GDF5: variants seen among roughly 807,000 people sequenced by gnomAD.
GDF5 encodes the protein growth/differentiation factor 5.
A neutral mutation model predicts 34.6 loss-of-function variants in GDF5; 17 were observed. That is an observed-to-expected ratio of 0.49 (90% CI 0.34 to 0.74). The LOEUF is 0.74. Ranked by LOEUF, GDF5 falls within the 30% of genes least tolerant of loss-of-function variation. The pLI is 0.01. For missense variants in GDF5, 616 were observed against 661.2 expected (o/e 0.93, Z 0.75); for synonymous variants, 332 against 290.7 (o/e 1.14, Z -1.44).
chr20:35,438,348 T>C (rs2062484293), upstream of GDF5: 1 of 196,480 alleles, frequency 5.1e-6, no homozygotes, highest in South Asian at 6.2e-5. Flanking sequence ...TCCTTTCCAG[T>C]GAAAATACTT....
chr20:35,451,048 A>ATATAT (rs1403286330), intron 1 of GDF5, among the ~76,000 whole-genome samples: 10 of 4,626 alleles, frequency 2.2e-3, no homozygotes, highest in Non-Finnish European at 5.3e-3. Flanking sequence ...AACAGAAAAA[A>ATATAT]AAAAAAAAAA....
chr20:35,443,508 A>G (rs992626442), intron 1 of GDF5, among the ~76,000 whole-genome samples: 1 of 151,214 alleles, frequency 6.6e-6, no homozygotes, highest in African/African-American at 2.4e-5. Flanking sequence ...CCAGATTATT[A>G]TTATTATTAT....
At chr20:35,437,192 T>C in intron 1 of GDF5, 106 bp downstream of exon 1, 1 of 822,312 alleles carries the variant, frequency 1.2e-6, no homozygotes, top group East Asian at 2.4e-5. Context: ...CCGGGCCAGA[T>C]GCACACAGTG....
At chr20:35,451,561 T>G (rs1470504814) in intron 1 of GDF5, among the ~76,000 whole-genome samples, 2 of 151,230 alleles carry the variant, frequency 1.3e-5, no homozygotes, top group African/African-American at 2.4e-5. Context: ...GCAGAATGCG[T>G]TTTTTTTCTG....
At chr20:35,448,701 C>T (rs1383304358) in intron 1 of GDF5, among the ~76,000 whole-genome samples, 1 of 152,040 alleles carries the variant, frequency 6.6e-6, no homozygotes, top group African/African-American at 2.4e-5. Context: ...GCCTCCACCT[C>T]CCAAAGTGCT....
At chr20:35,447,825 CTT>C (rs1017660224) in intron 1 of GDF5, among the ~76,000 whole-genome samples, 1 of 152,042 alleles carries the variant, frequency 6.6e-6, no homozygotes, top group African/African-American at 2.4e-5. Context: ...TTTTTAAAAA[CTT>C]TATTAGGCAG....
upstream of GDF5, among the ~76,000 whole-genome samples, chr20:35,442,537 C>CTTTTT (rs57668486): frequency 1.7e-5 from 2 of 118,920 alleles, no homozygotes; most frequent in Admixed American, 9.8e-5. Context: ...TGATACCCGT[C>CTTTTT]TTTTTTTTTT....
Position 35,434,049 on chromosome 20 carries a change from T to A in GDF5, c.1366A>T (p.Met456Leu). 1 of 1,613,028 alleles carries A rather than the reference T, an allele frequency of 6.2e-7. No individual in the cohort carries two copies. The highest frequency in any genetic ancestry group is 1.1e-5 in the South Asian group (1 of 91,018). The change falls in exon 2 of 2, where the codon ATG becomes TTG. Residue 456 changes from methionine (M) to leucine (L), a missense_variant. Met to Leu is a conservative substitution (Grantham distance 15). Coordinates refer to ENST00000374369, the MANE Select transcript of GDF5 (RefSeq NM_000557.5). Reference protein sequence around the residue: ...HAVIQTLMNSMDPESTPPTCC... With the variant: ...HAVIQTLMNSLDPESTPPTCC... ...GTGGGTGGTGTGGACTCGGGGTCCA[T>A]GGAGTTCATCAGGGTCTGGATGACT...
At chr20:35,446,326 A>G (rs1257880469) in intron 1 of GDF5, among the ~76,000 whole-genome samples, 1 of 152,178 alleles carries the variant, frequency 6.6e-6, no homozygotes, top group Non-Finnish European at 1.5e-5. Flanking sequence ...CAACAACAAA[A>G]AAAAACTTGT....
chr20:35,450,112 C>T (rs749570469), intron 1 of GDF5, among the ~76,000 whole-genome samples: 5 of 150,588 alleles, frequency 3.3e-5, no homozygotes, highest in African/African-American at 7.3e-5. Context: ...AGACCAGCCT[C>T]GCTAACATGG....
chr20:35,446,416 T>G (rs1046186101), intron 1 of GDF5, among the ~76,000 whole-genome samples: 1 of 151,328 alleles, frequency 6.6e-6, no homozygotes, highest in African/African-American at 2.4e-5. Context: ...ATGTGCTTCA[T>G]AAATTATAAT....
chr20:35,445,486 A>G (rs2062510857), intron 1 of GDF5, among the ~76,000 whole-genome samples: 1 of 151,952 alleles, frequency 6.6e-6, no homozygotes. Flanking sequence ...CAACATGGTG[A>G]AACTCTGACT....
Position 35,437,285 on chromosome 20 carries a change from C to T in GDF5, c.631+13G>A. On this transcript the variant is annotated intron_variant, in intron 1 of 1. Coordinates refer to ENST00000374369, the MANE Select transcript of GDF5 (RefSeq NM_000557.5). ...TCCCTCTGAGCCGTGCCCCTGCCACCCCGCCCCCTCACCTTGCCCTTTGTC... is the reference window on the plus strand; with the variant it reads ...TCCCTCTGAGCCGTGCCCCTGCCACTCCGCCCCCTCACCTTGCCCTTTGTC... 1 of 1,594,400 alleles carries T rather than the reference C, an allele frequency of 6.3e-7. No homozygotes were observed. Among genetic ancestry groups the T allele is most frequent in the Non-Finnish European group, 8.6e-7 (1 of 1,164,982 alleles).
At chr20:35,434,853 G>GA in intron 1 of GDF5, 70 bp from the exon 2 acceptor site, 1 of 1,494,968 alleles carries the variant, frequency 6.7e-7, no homozygotes, top group Non-Finnish European at 9.3e-7. Context: ...AGGCTGCGGG[G>GA]GAAGGCCCCA....
chr20:35,451,228 G>C (rs1298821516), intron 1 of GDF5, among the ~76,000 whole-genome samples: 6 of 151,662 alleles, frequency 4.0e-5, no homozygotes, highest in Admixed American at 3.9e-4. Context: ...AATGAGCAAG[G>C]CTGGGTGTAG....
At position 35,433,650 on chromosome 20, in the gene GDF5, C is replaced by G. The variant is rs150833046; in HGVS notation, c.*259G>C. 255 of 544,432 alleles carry G rather than the reference C, an allele frequency of 4.7e-4. 5 individuals are homozygous for G. The East Asian group carries it at 7.4e-3, about 16-fold the overall frequency. The allele number at this position is 544,432 out of a possible 1,614,324, so 33.7% of individuals were successfully genotyped here. On this transcript the variant is annotated 3_prime_UTR_variant, in exon 2 of 2. Transcript: ENST00000374369. ...CTGTTTCCTGGGACTCAGTCCCATTCAGAGTCTGTCTCCCTGGACCTGTGC... is the reference window on the plus strand; with the variant it reads ...CTGTTTCCTGGGACTCAGTCCCATTGAGAGTCTGTCTCCCTGGACCTGTGC...
At chr20:35,451,113 A>AT (rs1247297211) in intron 1 of GDF5, among the ~76,000 whole-genome samples, 1 of 140,936 alleles carries the variant, frequency 7.1e-6, no homozygotes, top group Non-Finnish European at 1.6e-5. Flanking sequence ...ATATGTAGTG[A>AT]TTTAGCACCT....
chr20:35,434,841 C>T (rs750013214), intron 1 of GDF5, 58 bp from the exon 2 acceptor site: 2 of 1,570,570 alleles, frequency 1.3e-6, no homozygotes, highest in Non-Finnish European at 8.8e-7. Context: ...CCAGTCACTT[C>T]GAGGCTGCGG....
Position 35,437,905 on chromosome 20 carries a change from A to C in GDF5, c.24T>G (p.Thr8=), listed in dbSNP as rs1346260122. 1 of 1,614,082 alleles carries C rather than the reference A, an allele frequency of 6.2e-7. No homozygotes were observed. The highest frequency in any genetic ancestry group is 1.7e-5 in the Admixed American group (1 of 60,016). The change falls in exon 1 of 2, where the codon ACT becomes ACG. Residue 8 remains threonine (T), a synonymous_variant. Coordinates refer to ENST00000374369, the MANE Select transcript of GDF5 (RefSeq NM_000557.5). Reference sequence around the variant, plus strand: ...GCCAAGCCAGGTACCAAAGCAAGAAAGTGAGGAGTTTGGGGAGTCTCATCC... The same window carrying C: ...GCCAAGCCAGGTACCAAAGCAAGAACGTGAGGAGTTTGGGGAGTCTCATCC... MRLPKLL[T]FLLWYLAWLD...
Sources: allele counts gnomAD v4.1 joint callset (sites outside exome capture counted in the v4.1 genomes callset), GRCh38; gene constraint gnomAD v4.1.1; transcripts MANE v1.5; gene names NCBI Gene and HGNC (gene_info 2026-07-23, HGNC 2026-07-21).